SPMAP2L: variants seen among roughly 807,000 people sequenced by gnomAD.
SPMAP2L encodes sperm microtubule associated protein 2 like, also known as sperm microtubule associated protein 2-like.
chr4:56,581,816 G>T, the SPMAP2L span, among the ~76,000 whole-genome samples: 1 of 152,100 alleles, frequency 6.6e-6, no homozygotes, highest in Non-Finnish European at 1.5e-5. Flanking sequence ...ACAGGCACAA[G>T]GATAGACATT....
chr4:56,545,823 G>A, the SPMAP2L span, among the ~76,000 whole-genome samples: 5 of 151,486 alleles, frequency 3.3e-5, no homozygotes, highest in South Asian at 2.1e-4. Flanking sequence ...ACGGAGTTTC[G>A]CTCTTGTCCC....
chr4:56,547,167 C>A, the SPMAP2L span, among the ~76,000 whole-genome samples: 1 of 151,954 alleles, frequency 6.6e-6, no homozygotes, highest in East Asian at 1.9e-4. Context: ...CATTCATCTA[C>A]CATATGCAAG....
the SPMAP2L span, among the ~76,000 whole-genome samples, chr4:56,602,433 C>T: frequency 1.3e-5 from 2 of 152,202 alleles, no homozygotes; most frequent in African/African-American, 4.8e-5. Context: ...TGGCTCACAC[C>T]TGTAATCCCA....
At chr4:56,531,058 C>T in the SPMAP2L span, 3 of 1,535,404 alleles carry the variant, frequency 2.0e-6, no homozygotes, top group African/African-American at 1.4e-5. Flanking sequence ...CCGTGAGCCC[C>T]GCAAGTCCCG....
chr4:56,599,254 C>T, the SPMAP2L span, among the ~76,000 whole-genome samples: 2 of 152,060 alleles, frequency 1.3e-5, no homozygotes, highest in Non-Finnish European at 2.9e-5. Context: ...GCTATCACAG[C>T]TTATTGTAGC....
the SPMAP2L span, among the ~76,000 whole-genome samples, chr4:56,608,129 A>G: frequency 6.6e-6 from 1 of 152,178 alleles, no homozygotes; most frequent in South Asian, 2.1e-4. Context: ...AAAAAGAAAA[A>G]AAAGAACCTT....
the SPMAP2L span, among the ~76,000 whole-genome samples, chr4:56,534,928 T>TCAACAACAACAACAAACAA: frequency 6.6e-6 from 1 of 151,876 alleles, no homozygotes; most frequent in African/African-American, 2.4e-5. Flanking sequence ...AAACTCCATC[T>TCAACAACAACAACAAACAA]CAACAACAAC....
At chr4:56,565,144 G>T in the SPMAP2L span, among the ~76,000 whole-genome samples, 1 of 152,076 alleles carries the variant, frequency 6.6e-6, no homozygotes, top group Non-Finnish European at 1.5e-5. Flanking sequence ...TGCTGTAATG[G>T]GTAAAGTGTT....
the SPMAP2L span, among the ~76,000 whole-genome samples, chr4:56,540,280 C>T: frequency 3.9e-5 from 6 of 152,174 alleles, no homozygotes; most frequent in Non-Finnish European, 8.8e-5. Flanking sequence ...TGGTGGCTCA[C>T]GCCTGTAATC....
the SPMAP2L span, among the ~76,000 whole-genome samples, chr4:56,589,315 G>A: frequency 7.2e-5 from 11 of 152,168 alleles, no homozygotes; most frequent in South Asian, 6.2e-4. Context: ...TACCAGCACC[G>A]TACTGTTTTG....
At chr4:56,544,105 C>T in the SPMAP2L span, among the ~76,000 whole-genome samples, 1 of 152,066 alleles carries the variant, frequency 6.6e-6, no homozygotes, top group Non-Finnish European at 1.5e-5. Flanking sequence ...TCTCGTGCCT[C>T]AGCCTCCCGA....
chr4:56,576,820 T>C, the SPMAP2L span, among the ~76,000 whole-genome samples: 222 of 152,362 alleles, frequency 1.5e-3, no homozygotes, highest in African/African-American at 5.2e-3. Flanking sequence ...GAATACTTTA[T>C]TGCCACTTCT....
At chr4:56,599,574 C>T in the SPMAP2L span, among the ~76,000 whole-genome samples, 1 of 152,098 alleles carries the variant, frequency 6.6e-6, no homozygotes, top group Non-Finnish European at 1.5e-5. Flanking sequence ...CGCTGACAGG[C>T]CCTGGTGTGT....
chr4:56,569,482 T>C, the SPMAP2L span, among the ~76,000 whole-genome samples: 1 of 152,180 alleles, frequency 6.6e-6, no homozygotes, highest in African/African-American at 2.4e-5. Context: ...TTTGTCCATT[T>C]TTGAGGCTTG....
the SPMAP2L span, chr4:56,531,236 C>T: frequency 2.1e-6 from 3 of 1,454,874 alleles, no homozygotes; most frequent in Non-Finnish European, 2.7e-6. Context: ...ACGCGCTGAG[C>T]ACCCACGCCC....
the SPMAP2L span, among the ~76,000 whole-genome samples, chr4:56,572,242 G>GT: frequency 6.6e-6 from 1 of 152,206 alleles, no homozygotes; most frequent in African/African-American, 2.4e-5. Flanking sequence ...TGGTAGGTTT[G>GT]TTTACTGCAG....
At chr4:56,559,099 A>G in the SPMAP2L span, among the ~76,000 whole-genome samples, 2 of 151,794 alleles carry the variant, frequency 1.3e-5, no homozygotes, top group African/African-American at 4.8e-5. Context: ...ACGCCTGGCT[A>G]ATTTTTGTAG....
the SPMAP2L span, among the ~76,000 whole-genome samples, chr4:56,587,546 C>T: frequency 6.6e-6 from 1 of 151,758 alleles, no homozygotes; most frequent in Admixed American, 6.6e-5. Flanking sequence ...TTAGCTCCCA[C>T]ATATCAGTGA....
At chr4:56,545,503 A>T in the SPMAP2L span, among the ~76,000 whole-genome samples, 1 of 152,084 alleles carries the variant, frequency 6.6e-6, no homozygotes, top group African/African-American at 2.4e-5. Context: ...AGGTAGGAGG[A>T]TTGCTGGAGC....
Sources: gnomAD v4.1 joint callset for allele counts (sites outside exome capture counted in the v4.1 genomes callset) on GRCh38, gnomAD v4.1.1 for gene constraint, MANE v1.5 for transcripts, NCBI Gene and HGNC (gene_info 2026-07-23, HGNC 2026-07-21) for gene names.